Variants in LRRC63 observed in about 807,000 individuals in gnomAD.
LRRC63 encodes the protein leucine-rich repeat-containing protein 63.
Under a neutral mutation model 49.5 loss-of-function variants are expected in LRRC63, and 40 were observed. That is an observed-to-expected ratio of 0.81 (90% CI 0.63 to 1.05). LRRC63 has a LOEUF of 1.05. Among genes scored for constraint, LRRC63 ranks in the 50% least tolerant of loss-of-function variants. The pLI, the probability that LRRC63 is intolerant of heterozygous loss-of-function variation, is 0.00. For synonymous variants in LRRC63, 191 were observed against 221.1 expected, an observed-to-expected ratio of 0.86 and a Z score of 1.21; for missense variants, 636 against 663.1, an observed-to-expected ratio of 0.96 and a Z score of 0.45.
At chr13:46,258,878 C>T (rs1486231833) in intron 7 of LRRC63, among the ~76,000 whole-genome samples, 6 of 150,946 alleles carry the variant, frequency 4.0e-5, no homozygotes, top group Non-Finnish European at 8.9e-5. Context: ...AGATTAGTCT[C>T]TTTTCCTTGA....
chr13:46,275,612 G>A (rs556572682), intron 9 of LRRC63, among the ~76,000 whole-genome samples: 2 of 150,842 alleles, frequency 1.3e-5, no homozygotes, highest in South Asian at 4.2e-4. Context: ...CAATTTATAT[G>A]TCTTGTTTTG....
intron 8 of LRRC63, among the ~76,000 whole-genome samples, chr13:46,265,970 T>C (rs1241864701): frequency 5.3e-5 from 8 of 152,228 alleles, no homozygotes; most frequent in Non-Finnish European, 1.2e-4. Flanking sequence ...TGTGTAGATA[T>C]GAGTTATGAA....
chr13:46,255,645 A>AAAAAAAAAAAAAAAAAT (rs1555328641), intron 7 of LRRC63, among the ~76,000 whole-genome samples: 12 of 129,456 alleles, frequency 9.3e-5, no homozygotes, highest in African/African-American at 3.5e-4. Context: ...CCCTGCCTCA[A>AAAAAAAAAAAAAAAAAT]ATATATATAT....
chr13:46,238,989 G>A (rs1186638156), intron 5 of LRRC63, among the ~76,000 whole-genome samples: 2 of 152,210 alleles, frequency 1.3e-5, no homozygotes, highest in Non-Finnish European at 2.9e-5. Context: ...CTAAGGCAAT[G>A]TTAAGCAGGA....
At chr13:46,222,719 C>A (rs2046442090) in intron 2 of LRRC63, among the ~76,000 whole-genome samples, 2 of 151,328 alleles carry the variant, frequency 1.3e-5, no homozygotes, top group Admixed American at 1.3e-4. Flanking sequence ...GGGTATATAC[C>A]CAAAGGACTA....
intron 5 of LRRC63, among the ~76,000 whole-genome samples, chr13:46,241,295 T>G (rs569178258): frequency 6.5e-4 from 99 of 152,320 alleles, no homozygotes; most frequent in Non-Finnish European, 1.1e-3. Flanking sequence ...ACTGGACCCC[T>G]TCCATACACC....
At chr13:46,231,296 G>GA (rs749291920) in intron 4 of LRRC63, among the ~76,000 whole-genome samples, 9 of 152,076 alleles carry the variant, frequency 5.9e-5, no homozygotes, top group Non-Finnish European at 1.3e-4. Flanking sequence ...TTACTACAAA[G>GA]AAAAACCCAA....
chr13:46,218,078 T>C (rs1380751403), intron 2 of LRRC63, among the ~76,000 whole-genome samples: 1 of 152,210 alleles, frequency 6.6e-6, no homozygotes, highest in Non-Finnish European at 1.5e-5. Flanking sequence ...GTATATTCTG[T>C]TGATTTGGGG....
At chr13:46,234,504 C>T (rs143931921) in intron 5 of LRRC63, among the ~76,000 whole-genome samples, 155 bp downstream of exon 5, 14 of 152,298 alleles carry the variant, frequency 9.2e-5, no homozygotes, top group Non-Finnish European at 4.4e-5. Context: ...ATCTCTAAAC[C>T]TATATTCCTA....
At chr13:46,237,376 G>A (rs1169354061) in intron 5 of LRRC63, among the ~76,000 whole-genome samples, 1 of 152,116 alleles carries the variant, frequency 6.6e-6, no homozygotes, top group Non-Finnish European at 1.5e-5. Context: ...TATGGACTTG[G>A]GTTGATAATG....
chr13:46,223,746 C>T (rs1356391472), intron 2 of LRRC63, among the ~76,000 whole-genome samples: 16 of 152,040 alleles, frequency 1.1e-4, no homozygotes, highest in Non-Finnish European at 2.4e-4. Flanking sequence ...ATCCCAGCTA[C>T]TTGGGAGGCT....
chr13:46,265,996 A>T (rs1217269968), intron 8 of LRRC63, among the ~76,000 whole-genome samples: 6 of 152,228 alleles, frequency 3.9e-5, no homozygotes. Context: ...ACTGTAAATG[A>T]GAATCCAGAG....
chr13:46,241,551 G>T (rs1158482160), intron 5 of LRRC63, among the ~76,000 whole-genome samples: 1 of 152,084 alleles, frequency 6.6e-6, no homozygotes, highest in African/African-American at 2.4e-5. Flanking sequence ...CAGAATGGGA[G>T]AAAATTTTTG....
intron 9 of LRRC63, among the ~76,000 whole-genome samples, chr13:46,267,433 G>A (rs1457141844): frequency 6.6e-6 from 1 of 152,068 alleles, no homozygotes; most frequent in Non-Finnish European, 1.5e-5. Flanking sequence ...TCAAGACCAG[G>A]GTACTTAAAC....
intron 4 of LRRC63, among the ~76,000 whole-genome samples, chr13:46,233,047 T>C (rs1204391009): frequency 6.6e-6 from 1 of 152,206 alleles, no homozygotes; most frequent in Non-Finnish European, 1.5e-5. Context: ...CTCCCAGAAC[T>C]TTTGTACCCT....
intron 9 of LRRC63, among the ~76,000 whole-genome samples, chr13:46,271,300 G>A (rs559208748): frequency 1.3e-5 from 2 of 152,166 alleles, no homozygotes; most frequent in African/African-American, 4.8e-5. Context: ...CTATTAGTTT[G>A]AAGTTTAAAA....
intron 4 of LRRC63, among the ~76,000 whole-genome samples, chr13:46,229,420 C>T (rs2046678934): frequency 6.6e-6 from 1 of 152,180 alleles, no homozygotes; most frequent in African/African-American, 2.4e-5. Flanking sequence ...CCAATGTGGA[C>T]ATTACAATTC....
At chr13:46,214,584 C>G (rs948042049) in intron 2 of LRRC63, among the ~76,000 whole-genome samples, 1 of 151,536 alleles carries the variant, frequency 6.6e-6, no homozygotes, top group South Asian at 2.1e-4. Flanking sequence ...TCTCTTGCTC[C>G]AAAGGCTCTT....
chr13:46,256,663 G>C (rs1594086355), intron 7 of LRRC63, among the ~76,000 whole-genome samples: 1 of 152,210 alleles, frequency 6.6e-6, no homozygotes, highest in East Asian at 1.9e-4. Flanking sequence ...TAATTTCATA[G>C]ATCCACAAAT....
Sources: allele counts gnomAD v4.1 joint callset (sites outside exome capture counted in the v4.1 genomes callset), GRCh38; gene constraint gnomAD v4.1.1; transcripts MANE v1.5; gene names NCBI Gene and HGNC (gene_info 2026-07-23, HGNC 2026-07-21).